PAQR5: variants seen among roughly 807,000 people sequenced by gnomAD.
The protein encoded by PAQR5 is membrane progestin receptor gamma.
In PAQR5, 20 loss-of-function variants were observed where a neutral mutation model predicts 34.5. That is an observed-to-expected ratio of 0.58 (90% CI 0.41 to 0.84). The LOEUF (loss-of-function observed/expected upper bound fraction) is 0.84. Ranked by LOEUF, PAQR5 falls within the 40% of genes least tolerant of loss-of-function variation. PAQR5 has a pLI of 0.00. For missense variants in PAQR5, 378 were observed against 412.7 expected, an observed-to-expected ratio of 0.92 and a Z score of 0.73; for synonymous variants, 131 against 155.6, an observed-to-expected ratio of 0.84 and a Z score of 1.18.
At chr15:69,403,498 A>AT (rs1230697049) in intron 8 of PAQR5, 83 bp from the exon 9 acceptor site, 1 of 1,353,190 alleles carries the variant, frequency 7.4e-7, no homozygotes, top group African/African-American at 1.5e-5. Flanking sequence ...ACTTAGCATC[A>AT]TTTTTAGCAT....
chr15:69,394,010 C>T lies in PAQR5; in HGVS notation c.513-3458C>T, dbSNP rs79768087. 9.8e-3 allele frequency among the ~76,000 whole-genome samples: 1,499 copies of T among 152,280 alleles called. 36 individuals carry two copies. The highest frequency in any genetic ancestry group is 0.034 in the African/African-American group (1,401 of 41,540). ...CTGCTCATGCCTGCACAGGAAACGG[C>T]TGCCACTCCCTTCAGGAATGTCAGT... On this transcript the variant is annotated intron_variant, in intron 6 of 8. Coordinates refer to ENST00000395407, the MANE Select transcript of PAQR5 (RefSeq NM_017705.4).
chr15:69,398,924 C>T (rs2056537377), intron 7 of PAQR5, among the ~76,000 whole-genome samples: 2 of 152,188 alleles, frequency 1.3e-5, no homozygotes, highest in Non-Finnish European at 2.9e-5. Flanking sequence ...CTTCACTTCT[C>T]ACTAAGTGAT....
intron 1 of PAQR5, among the ~76,000 whole-genome samples, chr15:69,306,412 C>A (rs550844108): frequency 1.6e-3 from 204 of 127,622 alleles, no homozygotes; most frequent in African/African-American, 5.7e-3. Context: ...ACCATTTAAC[C>A]TTTTTTTTTT....
chr15:69,394,825 C>T (rs1242685245), intron 6 of PAQR5, among the ~76,000 whole-genome samples: 1 of 152,224 alleles, frequency 6.6e-6, no homozygotes, highest in Non-Finnish European at 1.5e-5. Flanking sequence ...TGGTAGCGGA[C>T]GGCCCCTCTC....
At chr15:69,352,925 T>G (rs1185220049) in intron 2 of PAQR5, among the ~76,000 whole-genome samples, 1 of 152,242 alleles carries the variant, frequency 6.6e-6, no homozygotes, top group Non-Finnish European at 1.5e-5. Flanking sequence ...GTGTCTCATG[T>G]TAGCAGTCAC....
chr15:69,402,721 T>G (rs1057017181), intron 8 of PAQR5, among the ~76,000 whole-genome samples: 3 of 152,216 alleles, frequency 2.0e-5, no homozygotes, highest in Non-Finnish European at 2.9e-5. Flanking sequence ...GCAAATATGG[T>G]CTCATTCTGG....
rs2055191099 is a variant in PAQR5, at chr15:69,360,026, G to C, written c.-55G>C. 1 of 1,414,630 alleles carries C rather than the reference G, an allele frequency of 7.1e-7. No homozygotes were observed. Among genetic ancestry groups the C allele is most frequent in the Non-Finnish European group, 1.0e-6 (1 of 999,172 alleles). The allele number at this position is 1,414,630 out of a possible 1,614,324, so 87.6% of individuals were successfully genotyped here. On this transcript the variant is annotated 5_prime_UTR_variant, in exon 3 of 9. Transcript: ENST00000395407. The stretch of plus-strand genomic sequence containing the variant: ...CAGGCCATGTTAGAGCTTTGAGTGA[G>C]GCCTGGTAACAGGGAGGCGCTGTCA...
At chr15:69,311,642 G>T (rs998227465) in intron 1 of PAQR5, among the ~76,000 whole-genome samples, 1 of 152,066 alleles carries the variant, frequency 6.6e-6, no homozygotes, top group African/African-American at 2.4e-5. Flanking sequence ...GTGCCCACAG[G>T]GGTTATTTAA....
intron 6 of PAQR5, among the ~76,000 whole-genome samples, chr15:69,395,011 C>T (rs2056377019): frequency 6.6e-6 from 1 of 152,220 alleles, no homozygotes. Flanking sequence ...CACAGAAAAT[C>T]CATGCTTTGG....
chr15:69,403,227 G>C (rs2056690148), intron 8 of PAQR5, among the ~76,000 whole-genome samples: 1 of 152,136 alleles, frequency 6.6e-6, no homozygotes, highest in Non-Finnish European at 1.5e-5. Flanking sequence ...TTCCCATATT[G>C]CTTCTTAAAA....
chr15:69,324,786 G>A (rs750231730), intron 1 of PAQR5, among the ~76,000 whole-genome samples: 4 of 152,024 alleles, frequency 2.6e-5, no homozygotes, highest in Non-Finnish European at 5.9e-5. Flanking sequence ...ATAGGTCCTC[G>A]AATGGCACGC....
At chr15:69,308,650 C>T (rs1316803657) in intron 1 of PAQR5, among the ~76,000 whole-genome samples, 1 of 152,004 alleles carries the variant, frequency 6.6e-6, no homozygotes, top group Non-Finnish European at 1.5e-5. Context: ...GTCTAAGGGT[C>T]AAAAAGGTTT....
intron 6 of PAQR5, among the ~76,000 whole-genome samples, chr15:69,396,634 C>A (rs1450172053): frequency 6.6e-6 from 1 of 152,166 alleles, no homozygotes; most frequent in Non-Finnish European, 1.5e-5. Context: ...CACTTCCTTA[C>A]CCAGGCCTCA....
chr15:69,386,020 C>T (rs1000278946), intron 5 of PAQR5, among the ~76,000 whole-genome samples: 18 of 150,964 alleles, frequency 1.2e-4, no homozygotes, highest in Non-Finnish European at 2.5e-4. Context: ...CACATAAACA[C>T]ACATCACATA....
chr15:69,389,953 C>T (rs1180475663), intron 6 of PAQR5, among the ~76,000 whole-genome samples, 173 bp downstream of exon 6: 4 of 152,194 alleles, frequency 2.6e-5, no homozygotes, highest in Non-Finnish European at 5.9e-5. Flanking sequence ...CCTGGGCACG[C>T]AAGCTCCAGG....
At chr15:69,384,966 C>A in intron 5 of PAQR5, 84 bp downstream of exon 5, 1 of 1,003,050 alleles carries the variant, frequency 1.0e-6, no homozygotes, top group Non-Finnish European at 1.5e-6. Context: ...CACCAGAAGG[C>A]TTTGATGAGT....
chr15:69,397,712 A>T (rs1157363234), intron 7 of PAQR5, 148 bp downstream of exon 7: 2 of 659,950 alleles, frequency 3.0e-6, no homozygotes, highest in African/African-American at 3.6e-5. Flanking sequence ...CAGCCCCTCC[A>T]CACCTGTGGG....
At chr15:69,329,803 A>G (rs1384925681) in intron 1 of PAQR5, among the ~76,000 whole-genome samples, 1 of 152,036 alleles carries the variant, frequency 6.6e-6, no homozygotes, top group Non-Finnish European at 1.5e-5. Flanking sequence ...CGGTTTTTAA[A>G]TCATCCTAAA....
intron 2 of PAQR5, among the ~76,000 whole-genome samples, chr15:69,347,396 G>T (rs1370612113): frequency 2.0e-5 from 3 of 152,188 alleles, no homozygotes; most frequent in Non-Finnish European, 4.4e-5. Context: ...AAGAAATTAA[G>T]TCCTAGTGTC....
Sources: allele counts gnomAD v4.1 joint callset (sites outside exome capture counted in the v4.1 genomes callset), GRCh38; gene constraint gnomAD v4.1.1; transcripts MANE v1.5; gene names NCBI Gene and HGNC (gene_info 2026-07-23, HGNC 2026-07-21).